The following RASAL1 variants were observed in gnomAD, a reference collection of about 807,000 sequenced individuals.
RASAL1 encodes rasGAP-activating-like protein 1.
Under a neutral mutation model 96.6 loss-of-function variants are expected in RASAL1, and 72 were observed. The ratio of observed to expected loss-of-function variants is 0.75; its 90% confidence interval spans 0.62 to 0.91. The LOEUF (loss-of-function observed/expected upper bound fraction) is 0.91, where lower values mean the gene tolerates loss of function less well. Ranked by LOEUF, RASAL1 falls within the 40% of genes least tolerant of loss-of-function variation. RASAL1 has a pLI of 0.00. For missense variants in RASAL1, 1,016 were observed against 1,072.5 expected (o/e 0.95, Z 0.74); for synonymous variants, 405 against 430.4 (o/e 0.94, Z 0.73).
intron 1 of RASAL1, among the ~76,000 whole-genome samples, chr12:113,133,515 GCTA>G (rs1359408000): frequency 6.6e-6 from 1 of 152,208 alleles, no homozygotes; most frequent in Non-Finnish European, 1.5e-5. Context: ...GTGACTGACT[GCTA>G]CTATTTCTAA....
intron 12 of RASAL1, 90 bp from the exon 13 acceptor site, chr12:113,112,368 T>TCATCTTCCCTCCA: frequency 9.6e-7 from 1 of 1,045,918 alleles, no homozygotes; most frequent in South Asian, 4.9e-5. Flanking sequence ...CCGAGAGGAC[T>TCATCTTCCCTCCA]CATCTTCCCT....
rs116124176 is a variant in RASAL1 at position 113,105,308 on chromosome 12, C to T, written c.1830+406G>A. On this transcript the variant is annotated intron_variant, in intron 16 of 20. Transcript: ENST00000548055. Reference sequence around the variant, plus strand: ...AATAAATGTTTGCTGAATGAATGAACGAGTGAATGAATGCTTGGATGGATG... The same window carrying T: ...AATAAATGTTTGCTGAATGAATGAATGAGTGAATGAATGCTTGGATGGATG... 5.1e-3 allele frequency among the ~76,000 whole-genome samples: 774 copies of T among 152,342 alleles called. 4 individuals carry two copies. Among genetic ancestry groups the T allele is most frequent in the African/African-American group, 0.018 (744 of 41,572 alleles).
intron 12 of RASAL1, among the ~76,000 whole-genome samples, chr12:113,112,679 C>CG (rs1285909992): frequency 2.0e-5 from 3 of 152,114 alleles, no homozygotes; most frequent in Admixed American, 6.6e-5. Context: ...CAACCAGGCC[C>CG]GGTGGCTCAT....
In RASAL1 at chr12:113,127,816, G is replaced by A. The variant is rs772985485; in HGVS notation, c.294C>T (p.Pro98=). The A allele has an allele frequency of 1.2e-6, 2 of 1,611,518 alleles. No homozygotes were observed. The highest frequency in any genetic ancestry group is 1.7e-5 in the Admixed American group (1 of 59,964). The change falls in exon 4 of 21, where the codon CCC becomes CCT. Residue 98 remains proline, a synonymous_variant. Coordinates refer to ENST00000548055, the MANE Select transcript of RASAL1 (RefSeq NM_001301202.2). ...CTGCCCATGTCCCTCGCCCACCTCG[G>A]GGGTCGGCTGTAATCGCCTCCCTGC... ...SLSREAITAD[P]RGIDSWINLS... is the part of the protein sequence containing the mutation.
rs1247726111 is a variant in RASAL1, at chr12:113,127,830, T to C, written c.280A>G (p.Ile94Val). 1.2e-6 allele frequency: 2 copies of C among 1,612,560 alleles called. No individual in the cohort carries two copies. The highest frequency in any genetic ancestry group is 1.7e-5 in the Admixed American group (1 of 59,986). ...CGCCCACCTCGGGGGTCGGCTGTAATCGCCTCCCTGCTCAGCGAGATCTTG... is the reference window on the plus strand; with the variant it reads ...CGCCCACCTCGGGGGTCGGCTGTAACCGCCTCCCTGCTCAGCGAGATCTTG... ...IGKISLSREA[I>V]TADPRGIDSW... is the part of the protein sequence containing the mutation. The change falls in exon 4 of 21, where the codon ATT (isoleucine) becomes GTT (valine). Residue 94 changes from isoleucine (I) to valine (V), a missense_variant. Ile to Val is a conservative substitution (Grantham distance 29, BLOSUM62 3). Transcript: ENST00000548055.
chr12:113,114,880 C>T lies in RASAL1; in HGVS notation c.1101G>A (p.Leu367=). The T allele has an allele frequency of 6.2e-7, 1 of 1,614,128 alleles. No homozygotes were observed. The highest frequency in any genetic ancestry group is 8.5e-7 in the Non-Finnish European group (1 of 1,180,002). ...LVGMPYLHEV[L]KPVISRVFEE... is the part of the protein sequence containing the mutation. Reference sequence around the variant, plus strand: ...CAAAGACACGGCTAATCACAGGCTTCAGGACCTCGTGCAGGTAGGGCATGC... The same window carrying T: ...CAAAGACACGGCTAATCACAGGCTTTAGGACCTCGTGCAGGTAGGGCATGC... The change falls in exon 12 of 21, where the codon CTG becomes CTA. Residue 367 remains leucine (L), a synonymous_variant. Coordinates refer to ENST00000548055, the MANE Select transcript of RASAL1 (RefSeq NM_001301202.2).
At chr12:113,122,900 A>G (rs1027390312) in intron 4 of RASAL1, among the ~76,000 whole-genome samples, 1 of 152,132 alleles carries the variant, frequency 6.6e-6, no homozygotes, top group Non-Finnish European at 1.5e-5. Flanking sequence ...AAACCTCCAC[A>G]GTTATTTTCC....
In RASAL1 at chr12:113,100,023, C is replaced by A; in HGVS notation, c.2324G>T (p.Arg775Leu). The A allele has an allele frequency of 6.2e-7, 1 of 1,613,336 alleles. No individual in the cohort carries two copies. Among genetic ancestry groups the A allele is most frequent in the Non-Finnish European group, 8.5e-7 (1 of 1,179,560 alleles). ...CAGGTCTGCGAGCACCTCCAGCAGGCGGGCAGTTGCTGCTCTTTGCCGGGC... is the reference window on the plus strand; with the variant it reads ...CAGGTCTGCGAGCACCTCCAGCAGGAGGGCAGTTGCTGCTCTTTGCCGGGC... Reference protein sequence around the residue: ...VLARQRAATARLLEVLADLDR... With the variant: ...VLARQRAATALLLEVLADLDR... The change falls in exon 21 of 21, where the codon CGC (arginine) becomes CTC (leucine). Residue 775 changes from arginine (R) to leucine (L), a missense_variant. Transcript: ENST00000548055.
At position 113,105,764 on chromosome 12, in the gene RASAL1, C is replaced by T. The variant is rs201384471; in HGVS notation, c.1780G>A (p.Val594Ile). The change falls in exon 16 of 21, where the codon GTC becomes ATC. Residue 594 changes from valine to isoleucine, a missense_variant. Coordinates refer to ENST00000548055, the MANE Select transcript of RASAL1 (RefSeq NM_001301202.2). ...ATRFAFKKRY[V>I]WLSGETLSFS... is the part of the protein sequence containing the mutation. ...GAGAGGGTCTCCCCGCTGAGCCAGA[C>T]GTAGCGCTTCTTGAAGGCAAAGCGC... is the stretch of plus-strand genomic sequence containing the variant. 9.9e-6 allele frequency: 16 copies of T among 1,614,040 alleles called. No homozygotes were observed. Among genetic ancestry groups the T allele is most frequent in the East Asian group, 2.2e-5 (1 of 44,882 alleles).
At chr12:113,102,938 C>G (rs1470309742) in intron 18 of RASAL1, 1 of 169,274 alleles carries the variant, frequency 5.9e-6, no homozygotes, top group Admixed American at 6.4e-5. Flanking sequence ...TTCCTTACCC[C>G]CATCTCCCAG....
chr12:113,123,502 T>C (rs1951370370), intron 4 of RASAL1, among the ~76,000 whole-genome samples: 1 of 152,236 alleles, frequency 6.6e-6, no homozygotes, highest in Non-Finnish European at 1.5e-5. Flanking sequence ...GAGTGTAGAA[T>C]TGATACTGAC....
At chr12:113,112,975 A>AAATG (rs1402970009) in intron 12 of RASAL1, among the ~76,000 whole-genome samples, 2 of 151,672 alleles carry the variant, frequency 1.3e-5, no homozygotes, top group Non-Finnish European at 2.9e-5. Context: ...ATAAATAAAT[A>AAATG]AACCTTCTTC....
rs192159030 is a variant in RASAL1 at position 113,101,267 on chromosome 12, C to T, written c.2226-587G>A. 4.8e-4 allele frequency among the ~76,000 whole-genome samples: 73 copies of T among 152,196 alleles called. 2 individuals carry two copies. Among genetic ancestry groups the T allele is most frequent in the Admixed American group, 4.3e-3 (65 of 15,288 alleles). On this transcript the variant is annotated intron_variant, in intron 19 of 20. Transcript: ENST00000548055. Reference sequence around the variant, plus strand: ...CCCGTCTCTACTAAAAATACAAAAACTAGTCAGGCGTGGTGGCAAGTGCCT... The same window carrying T: ...CCCGTCTCTACTAAAAATACAAAAATTAGTCAGGCGTGGTGGCAAGTGCCT...
chr12:113,112,504 T>C (rs756219163), intron 12 of RASAL1, among the ~76,000 whole-genome samples: 21 of 152,088 alleles, frequency 1.4e-4, no homozygotes, highest in Admixed American at 7.9e-4. Context: ...CACTCTCCCG[T>C]TAAATGTTAA....
intron 13 of RASAL1, among the ~76,000 whole-genome samples, chr12:113,111,590 T>C (rs1950866629): frequency 6.6e-6 from 1 of 152,120 alleles, no homozygotes; most frequent in Admixed American, 6.6e-5. Flanking sequence ...ATATTTATTA[T>C]TGGTATTTAT....
chr12:113,113,937 T>A (rs987746155), intron 12 of RASAL1, among the ~76,000 whole-genome samples: 1 of 152,138 alleles, frequency 6.6e-6, no homozygotes, highest in Non-Finnish European at 1.5e-5. Flanking sequence ...AAATCGCTAA[T>A]GTTGGGGACC....
intron 16 of RASAL1, among the ~76,000 whole-genome samples, chr12:113,104,647 G>T (rs949831594): frequency 6.6e-6 from 1 of 152,012 alleles, no homozygotes; most frequent in Non-Finnish European, 1.5e-5. Flanking sequence ...GATTACAGGC[G>T]TGCACCACCG....
intron 13 of RASAL1, among the ~76,000 whole-genome samples, chr12:113,110,834 T>G (rs1199768089): frequency 2.6e-5 from 4 of 152,170 alleles, no homozygotes; most frequent in Admixed American, 2.0e-4. Context: ...GGAAGATCAC[T>G]CAAGCCTGGG....
In RASAL1 at chr12:113,099,959, C is replaced by G; in HGVS notation, c.2388G>C (p.Gly796=). Residue 796 remains glycine, a synonymous_variant, in exon 21 of 21, where the codon GGG becomes GGC. Coordinates refer to ENST00000548055, the MANE Select transcript of RASAL1 (RefSeq NM_001301202.2). ...GGCCAAGGGGGCCCAGGGCCGCCTTCCCTCGCTCCTGCTGCTGGAACTCCT... is the reference window on the plus strand; with the variant it reads ...GGCCAAGGGGGCCCAGGGCCGCCTTGCCTCGCTCCTGCTGCTGGAACTCCT... The part of the protein sequence containing the change: ...AHEEFQQQER[G]KAALGPLGP The G allele has an allele frequency of 6.2e-7, 1 of 1,613,172 alleles. No homozygotes were observed. The highest frequency in any genetic ancestry group is 1.3e-5 in the African/African-American group (1 of 75,050).
Sources: allele counts gnomAD v4.1 joint callset (sites outside exome capture counted in the v4.1 genomes callset), GRCh38; gene constraint gnomAD v4.1.1; transcripts MANE v1.5; gene names NCBI Gene and HGNC (gene_info 2026-07-23, HGNC 2026-07-21).